Variants in B4GALT4 observed in about 807,000 individuals in gnomAD.
B4GALT4 encodes N-acetyllactosamine synthase.
In B4GALT4, 27 loss-of-function variants were observed where a neutral mutation model predicts 37.3. The observed-to-expected ratio is 0.72, with a 90% confidence interval of 0.53 to 1.00. The LOEUF (loss-of-function observed/expected upper bound fraction) is 1.00. Ranked by LOEUF, B4GALT4 falls within the 50% of genes least tolerant of loss-of-function variation. The probability of loss-of-function intolerance (pLI) is 0.00; values close to 1 mark genes in which losing one functional copy is unlikely to be tolerated. For missense variants in B4GALT4, 372 were observed against 413.1 expected (o/e 0.90, Z 0.86); for synonymous variants, 148 against 154.1 (o/e 0.96, Z 0.29).
At chr3:119,220,310 C>A (rs985338796) in intron 5 of B4GALT4, among the ~76,000 whole-genome samples, 1 of 152,248 alleles carries the variant, frequency 6.6e-6, no homozygotes, top group Non-Finnish European at 1.5e-5. Context: ...CACCAGCTGC[C>A]TGATCAGGAT....
At chr3:119,221,630 A>G (rs1160550085) in intron 5 of B4GALT4, among the ~76,000 whole-genome samples, 1 of 152,228 alleles carries the variant, frequency 6.6e-6, no homozygotes, top group Non-Finnish European at 1.5e-5. Flanking sequence ...GATACATACA[A>G]AAAAGAGAAA....
Position 119,236,772 on chromosome 3 carries a change from T to C in B4GALT4, c.-146+81A>G, listed in dbSNP as rs1435374557. 5 of 152,328 alleles carry C rather than the reference T, an allele frequency of 3.3e-5. No homozygotes were observed. The South Asian group carries it at 6.2e-4, about 19-fold the overall frequency. 9.4% of individuals were successfully genotyped at this position (152,328 alleles called of 1,614,324 possible). A position where few individuals can be genotyped will look rare whatever the true frequency, so the allele number is the denominator to read the frequency against. On this transcript the variant is annotated intron_variant, in intron 2 of 7. Coordinates refer to ENST00000393765, the MANE Select transcript of B4GALT4 (RefSeq NM_003778.4). ...ACAAAATTCCACCTGAGAAGGATTT[T>C]AAAAATTAAAAAGGCTCACCCCGAT... is the stretch of plus-strand genomic sequence containing the variant.
rs2078182925 is a variant in B4GALT4 at position 119,212,399 on chromosome 3, G to A, written c.*150C>T. ...ACTGTTTTATACTCTACATCACCAG[G>A]AGCTCTGCTAAGAAAATACAAAAAG... On this transcript the variant is annotated 3_prime_UTR_variant, in exon 8 of 8. Coordinates refer to ENST00000393765, the MANE Select transcript of B4GALT4 (RefSeq NM_003778.4). 2.8e-6 allele frequency: 2 copies of A among 710,488 alleles called. No homozygotes were observed. Among genetic ancestry groups the A allele is most frequent in the South Asian group, 3.9e-5 (2 of 51,768 alleles). The allele number at this position is 710,488 out of a possible 1,614,324, so 44.0% of individuals were successfully genotyped here.
At chr3:119,218,820 G>C (rs750556241) in intron 5 of B4GALT4, 48 bp from the exon 6 acceptor site, 2 of 1,606,196 alleles carry the variant, frequency 1.2e-6, no homozygotes, top group African/African-American at 1.3e-5. Context: ...CGCACCAAAG[G>C]TCTCTGATTT....
At chr3:119,220,447 C>T (rs1037955699) in intron 5 of B4GALT4, among the ~76,000 whole-genome samples, 19 of 152,218 alleles carry the variant, frequency 1.2e-4, no homozygotes, top group Non-Finnish European at 2.9e-5. Context: ...CACGGGAATG[C>T]GGGAGCCCCG....
chr3:119,216,885 G>A (rs2078307469), intron 6 of B4GALT4, among the ~76,000 whole-genome samples: 1 of 152,218 alleles, frequency 6.6e-6, no homozygotes, highest in Non-Finnish European at 1.5e-5. Context: ...TGGCAATGGT[G>A]ATAGGGAGTT....
chr3:119,234,615 A>T (rs1325914189), intron 2 of B4GALT4, among the ~76,000 whole-genome samples: 1 of 152,224 alleles, frequency 6.6e-6, no homozygotes, highest in Non-Finnish European at 1.5e-5. Context: ...TTTTAAAGAA[A>T]GTTATTTTTA....
At position 119,224,201 on chromosome 3, in the gene B4GALT4, G is replaced by A; in HGVS notation, c.531C>T (p.Gly177=). The A allele has an allele frequency of 6.2e-7, 1 of 1,612,878 alleles. No individual in the cohort carries two copies. Among genetic ancestry groups the A allele is most frequent in the Non-Finnish European group, 8.5e-7 (1 of 1,179,562 alleles). The change falls in exon 5 of 8, where the codon GGC becomes GGT. Residue 177 remains glycine, a synonymous_variant. Coordinates refer to ENST00000393765, the MANE Select transcript of B4GALT4 (RefSeq NM_003778.4). ...KFNRAKLLNV[G]YLEALKEENW... is the part of the protein sequence containing the mutation. ...TTTCTTCCTTGAGGGCTTCTAGATA[G>A]CCCACATTCAAGAGTTTGGCTCGAT...
chr3:119,238,548 C>G (rs975161425), intron 1 of B4GALT4, among the ~76,000 whole-genome samples: 1 of 152,022 alleles, frequency 6.6e-6, no homozygotes. Context: ...CAAAAAAATA[C>G]GGTAAGATAT....
chr3:119,214,995 T>C (rs1349482485), intron 7 of B4GALT4: 1 of 152,156 alleles, frequency 6.6e-6, no homozygotes, highest in African/African-American at 2.4e-5. Flanking sequence ...CACAACACCA[T>C]AAATGAAAAT....
In B4GALT4 at chr3:119,212,183, A is replaced by T. The variant is rs1240575128; in HGVS notation, c.*366T>A. 3 of 703,060 alleles carry T rather than the reference A, an allele frequency of 4.3e-6. No homozygotes were observed. Among genetic ancestry groups the T allele is most frequent in the Middle Eastern group, 2.3e-4 (1 of 4,370 alleles). 43.6% of individuals were successfully genotyped at this position (703,060 alleles called of 1,614,324 possible). A position where few individuals can be genotyped will look rare whatever the true frequency, so the allele number is the denominator to read the frequency against. ...ACTCTGGTTCTCTCAGACATTCAGC[A>T]GTCTTATTTCCTGTGGCCTTTTATC... On this transcript the variant is annotated 3_prime_UTR_variant, in exon 8 of 8. Transcript: ENST00000393765.
chr3:119,218,953 A>G (rs2078369406), intron 5 of B4GALT4, among the ~76,000 whole-genome samples, 181 bp from the exon 6 acceptor site: 1 of 151,812 alleles, frequency 6.6e-6, no homozygotes, highest in South Asian at 2.1e-4. Flanking sequence ...TCTTTCCTCT[A>G]TCTAGACAAA....
At chr3:119,215,228 G>A (rs6794493) in intron 7 of B4GALT4, 1 of 152,336 alleles carries the variant, frequency 6.6e-6, no homozygotes, top group East Asian at 1.9e-4. Flanking sequence ...TCAACTGCTA[G>A]CGAGGCTAAA....
intron 4 of B4GALT4, 107 bp from the exon 5 acceptor site, chr3:119,224,352 ACG>A: frequency 1.4e-6 from 1 of 695,242 alleles, no homozygotes; most frequent in Non-Finnish European, 2.2e-6. Context: ...TATTCTACGC[ACG>A]AGACTACACT....
In B4GALT4 at chr3:119,228,440, A is replaced by C. The variant is rs568508220; in HGVS notation, c.254-1399T>G. On this transcript the variant is annotated intron_variant, in intron 3 of 7. Transcript: ENST00000393765. ...ATCACCTTTAGTCCAGTACTTGCCC[A>C]GTAATGCATCACTGTCCCTCTATTC... Among the ~76,000 whole-genome samples the C allele has an allele frequency of 3.6e-4, 55 of 152,314 alleles. 1 individual carries two copies. The highest frequency in any genetic ancestry group is 1.5e-3 in the South Asian group (7 of 4,826).
At chr3:119,217,440 C>T (rs561580900) in intron 6 of B4GALT4, among the ~76,000 whole-genome samples, 1 of 152,272 alleles carries the variant, frequency 6.6e-6, no homozygotes, top group South Asian at 2.1e-4. Flanking sequence ...GGCTCTCAGC[C>T]TAGACATGGG....
chr3:119,237,354 A>T (rs982439487), intron 1 of B4GALT4, among the ~76,000 whole-genome samples: 2 of 152,260 alleles, frequency 1.3e-5, no homozygotes, highest in Non-Finnish European at 2.9e-5. Context: ...AATTCTGGTT[A>T]TCAGATGCAT....
At position 119,212,318 on chromosome 3, in the gene B4GALT4, A is replaced by G. The variant is rs2078180963; in HGVS notation, c.*231T>C. 3.0e-6 allele frequency: 2 copies of G among 670,548 alleles called. No individual in the cohort carries two copies. The highest frequency in any genetic ancestry group is 1.8e-5 in the African/African-American group (1 of 55,916). The allele number at this position is 670,548 out of a possible 1,614,324, so 41.5% of individuals were successfully genotyped here. A position where few individuals can be genotyped will look rare whatever the true frequency, so the allele number is the denominator to read the frequency against. On this transcript the variant is annotated 3_prime_UTR_variant, in exon 8 of 8. Coordinates refer to ENST00000393765, the MANE Select transcript of B4GALT4 (RefSeq NM_003778.4). ...TTTATATAAAGTCCTTCAAGTATCCATATTACAATATTTAACCCTCATGAT... is the reference window on the plus strand; with the variant it reads ...TTTATATAAAGTCCTTCAAGTATCCGTATTACAATATTTAACCCTCATGAT...
At position 119,215,502 on chromosome 3, in the gene B4GALT4, C is replaced by G. The variant is rs565251140; in HGVS notation, c.902+738G>C. The G allele has an allele frequency of 2.0e-5, 3 of 152,372 alleles. No individual in the cohort carries two copies. The South Asian group carries it at 6.2e-4, about 31-fold the overall frequency. The allele number at this position is 152,372 out of a possible 1,614,324, so 9.4% of individuals were successfully genotyped here. ...GCAGGCGGCCTATTGTGGACTTCATCTTGGGATAGTGTGAGTCAATACTCC... is the reference window on the plus strand; with the variant it reads ...GCAGGCGGCCTATTGTGGACTTCATGTTGGGATAGTGTGAGTCAATACTCC... On this transcript the variant is annotated intron_variant, in intron 7 of 7. Coordinates refer to ENST00000393765, the MANE Select transcript of B4GALT4 (RefSeq NM_003778.4).
Sources: gnomAD v4.1 joint callset for allele counts (sites outside exome capture counted in the v4.1 genomes callset) on GRCh38, gnomAD v4.1.1 for gene constraint, MANE v1.5 for transcripts, NCBI Gene and HGNC (gene_info 2026-07-23, HGNC 2026-07-21) for gene names.